POR: variants seen among roughly 807,000 people sequenced by gnomAD.
POR encodes the protein cytochrome p450 oxidoreductase.
In POR, 56 loss-of-function variants were observed where a neutral mutation model predicts 84.0. That is an observed-to-expected ratio of 0.67 (90% CI 0.54 to 0.83). The LOEUF (loss-of-function observed/expected upper bound fraction) is 0.83. Among genes scored for constraint, POR ranks in the 40% least tolerant of loss-of-function variants. POR has a pLI of 0.00. For missense variants in POR, 938 were observed against 944.3 expected, an observed-to-expected ratio of 0.99 and a Z score of 0.09; for synonymous variants, 414 against 400.5, an observed-to-expected ratio of 1.03 and a Z score of -0.40.
At chr7:75,972,547 C>A in intron 3 of POR, 86 bp downstream of exon 3, 1 of 1,301,520 alleles carries the variant, frequency 7.7e-7, no homozygotes, top group Non-Finnish European at 1.1e-6. Context: ...GCTGGCGTCA[C>A]CGCATAGAGG....
intron 1 of POR, among the ~76,000 whole-genome samples, chr7:75,949,454 A>G (rs1585101262): frequency 7.2e-6 from 1 of 138,894 alleles, no homozygotes; most frequent in South Asian, 2.4e-4. Flanking sequence ...GTGCCTGGCC[A>G]CTTTAGGTTT....
chr7:75,984,958 G>A lies in POR; in HGVS notation c.1248G>A (p.Lys416=). 1 of 1,590,498 alleles carries A rather than the reference G, an allele frequency of 6.3e-7. No homozygotes were observed. Residue 416 remains lysine, a splice_region_variant and synonymous_variant, in exon 11 of 16, where the codon AAG becomes AAA. Transcript: ENST00000461988. Reference sequence around the variant, plus strand: ...TGGCCTCCTCCTCCGGCGAGGGCAAGGTGCGCCCCCTCAGCCCCCGCAACC... The same window carrying A: ...TGGCCTCCTCCTCCGGCGAGGGCAAAGTGCGCCCCCTCAGCCCCCGCAACC...
intron 1 of POR, among the ~76,000 whole-genome samples, chr7:75,917,380 C>CTTTTTTTTTTTT (rs199962786): frequency 7.9e-6 from 1 of 125,976 alleles, no homozygotes; most frequent in African/African-American, 4.0e-5. Context: ...CTTATTTCTT[C>CTTTTTTTTTTTT]TTCTTTTTTT....
chr7:75,924,468 G>A (rs781997223), intron 1 of POR, among the ~76,000 whole-genome samples: 10 of 152,180 alleles, frequency 6.6e-5, no homozygotes, highest in African/African-American at 9.7e-5. Context: ...GATCACTAGA[G>A]CCCAGGAATT....
At chr7:75,920,765 CCTTTCTGAA>C (rs782634734) in intron 1 of POR, among the ~76,000 whole-genome samples, 113 of 152,178 alleles carry the variant, frequency 7.4e-4, no homozygotes, top group Admixed American at 2.2e-3. Flanking sequence ...ACTACGGTCA[CCTTTCTGAA>C]CTTTCTGAAC....
At chr7:75,972,796 A>C in intron 3 of POR, 1 of 359,752 alleles carries the variant, frequency 2.8e-6, no homozygotes, top group Non-Finnish European at 5.2e-6. Flanking sequence ...TCGTGGCACC[A>C]CTGCCATTTT....
chr7:75,979,731 A>G (rs1019420164), intron 4 of POR, 152 bp downstream of exon 4: 58 of 1,076,122 alleles, frequency 5.4e-5, no homozygotes, highest in Middle Eastern at 2.9e-4. Flanking sequence ...GGTCATTGCC[A>G]TCCCTGCCCG....
intron 2 of POR, among the ~76,000 whole-genome samples, chr7:75,961,686 T>G (rs1267466654): frequency 6.6e-6 from 1 of 152,198 alleles, no homozygotes; most frequent in Non-Finnish European, 1.5e-5. Context: ...TCCCCAGATG[T>G]CATATTTCAT....
At chr7:75,933,012 G>A (rs1280325291) in intron 1 of POR, among the ~76,000 whole-genome samples, 2 of 147,390 alleles carry the variant, frequency 1.4e-5, no homozygotes, top group African/African-American at 5.0e-5. Flanking sequence ...ACAACAGAGC[G>A]AGACTCCATC....
intron 2 of POR, among the ~76,000 whole-genome samples, chr7:75,958,478 C>T (rs541536053): frequency 2.6e-5 from 4 of 152,180 alleles, no homozygotes; most frequent in African/African-American, 4.8e-5. Context: ...AGCCCTTCCA[C>T]GAAGACATGA....
At chr7:75,938,442 G>A (rs146669036) in intron 1 of POR, among the ~76,000 whole-genome samples, 136 of 152,230 alleles carry the variant, frequency 8.9e-4, no homozygotes, top group Middle Eastern at 3.4e-3. Context: ...AGGCCCTTAC[G>A]CACTCATCTG....
chr7:75,931,337 TTTTATTTA>T (rs140503871), intron 1 of POR, among the ~76,000 whole-genome samples: 5,811 of 142,818 alleles, frequency 0.041, 147 homozygotes, highest in African/African-American at 0.065. Context: ...TATTGTGTGA[TTTTATTTA>T]TTTATTTATT....
At position 75,918,854 on chromosome 7, in the gene POR, C is replaced by T. The variant is rs114061333; in HGVS notation, c.-5+3675C>T. On this transcript the variant is annotated intron_variant, in intron 1 of 15. Transcript: ENST00000461988. ...GTTCTCTGAGCCCACCCAGGCACAC[C>T]AGCTCTGGGGGGCATGTAGGGTGTA... Among the ~76,000 whole-genome samples the T allele has an allele frequency of 3.7e-3, 561 of 152,144 alleles. 3 individuals carry two copies. The highest frequency in any genetic ancestry group is 0.013 in the African/African-American group (527 of 41,496).
chr7:75,977,372 C>T (rs998297523), intron 3 of POR, among the ~76,000 whole-genome samples: 5 of 152,212 alleles, frequency 3.3e-5, no homozygotes, highest in Non-Finnish European at 7.3e-5. Context: ...GGACACACCA[C>T]GTGTAGCTGT....
At position 75,975,814 on chromosome 7, in the gene POR, A is replaced by ATTTTTTTTTTTTT. The variant is rs539245771; in HGVS notation, c.237+3358_237+3370dup. Among the ~76,000 whole-genome samples, 12 of 82,174 alleles carry ATTTTTTTTTTTTT rather than the reference A, an allele frequency of 1.5e-4. 1 individual carries two copies. Among genetic ancestry groups the ATTTTTTTTTTTTT allele is most frequent in the Non-Finnish European group, 2.1e-4 (9 of 42,596 alleles). 53.9% of individuals were successfully genotyped at this position (82,174 alleles called of 152,430 possible). ...TGTTGAGGAAAAAAAAGCTGTTCAG[A>ATTTTTTTTTTTTT]TTTTTTTTTTTTTTTTTGGTAGAGA... is the stretch of plus-strand genomic sequence containing the variant. On this transcript the variant is annotated intron_variant, in intron 3 of 15. Coordinates refer to ENST00000461988, the MANE Select transcript of POR (RefSeq NM_000941.3).
At chr7:75,967,723 G>A (rs144633884) in intron 2 of POR, 391 of 220,470 alleles carry the variant, frequency 1.8e-3, no homozygotes, top group Non-Finnish European at 2.7e-3. Context: ...GACCCGAGTC[G>A]GGGTTGGAAA....
At chr7:75,943,699 C>A in intron 1 of POR, 1 of 316,630 alleles carries the variant, frequency 3.2e-6, no homozygotes, top group Non-Finnish European at 6.4e-6. Flanking sequence ...CATGCTAATT[C>A]TTCAAACTTG....
At chr7:75,938,386 C>T (rs782014873) in intron 1 of POR, among the ~76,000 whole-genome samples, 1 of 152,192 alleles carries the variant, frequency 6.6e-6, no homozygotes, top group Admixed American at 6.5e-5. Flanking sequence ...CCTGTCCTCA[C>T]CAGCTTCCCC....
Position 75,985,570 on chromosome 7 carries a change from TCCCCACAGGTCCA to T in POR, c.1399-3_1408del, listed in dbSNP as rs1403483900. ...TGTGGCGGTGGAGCTCACACGGCCC[TCCCCACAGGTCCA>T]CCCCAACTCTGTGCACATCTGTGCG... On this transcript the variant is annotated splice_acceptor_variant and splice_polypyrimidine_tract_variant and coding_sequence_variant and intron_variant, in exon 13 of 16. Coordinates refer to ENST00000461988, the MANE Select transcript of POR (RefSeq NM_000941.3). LOFTEE classifies it high-confidence loss of function. 2 of 1,523,910 alleles carry T rather than the reference TCCCCACAGGTCCA, an allele frequency of 1.3e-6. No individual in the cohort carries two copies. The highest frequency in any genetic ancestry group is 1.8e-6 in the Non-Finnish European group (2 of 1,131,168). 94.4% of individuals were successfully genotyped at this position (1,523,910 alleles called of 1,614,324 possible).
Sources: gnomAD v4.1 joint callset for allele counts (sites outside exome capture counted in the v4.1 genomes callset) on GRCh38, gnomAD v4.1.1 for gene constraint, MANE v1.5 for transcripts, NCBI Gene and HGNC (gene_info 2026-07-23, HGNC 2026-07-21) for gene names.